The following ATXN7 variants were observed in gnomAD, a reference collection of about 807,000 sequenced individuals.
ATXN7 encodes ataxin-7.
Under a neutral mutation model 70.5 loss-of-function variants are expected in ATXN7, and 12 were observed. The ratio of observed to expected loss-of-function variants is 0.17; its 90% confidence interval spans 0.11 to 0.28. The LOEUF is 0.28. Among genes scored for constraint, ATXN7 ranks in the 10% least tolerant of loss-of-function variants. The pLI is 1.00. For missense variants in ATXN7, 1,256 were observed against 1,131.7 expected (o/e 1.11, Z -1.58); for synonymous variants, 498 against 448.7 (o/e 1.11, Z -1.39).
intron 4 of ATXN7, among the ~76,000 whole-genome samples, chr3:63,915,314 C>T (rs931198766): frequency 6.6e-6 from 1 of 152,146 alleles, no homozygotes; most frequent in Non-Finnish European, 1.5e-5. Context: ...AGCTACCAGG[C>T]CACTTGGAAC....
At chr3:63,926,038 C>A (rs1704702737) in intron 4 of ATXN7, among the ~76,000 whole-genome samples, 1 of 152,142 alleles carries the variant, frequency 6.6e-6, no homozygotes, top group Non-Finnish European at 1.5e-5. Context: ...CCCCAAGTTT[C>A]TAGGTAATGA....
At chr3:63,965,463 C>G (rs576411517) in intron 5 of ATXN7, among the ~76,000 whole-genome samples, 1 of 152,130 alleles carries the variant, frequency 6.6e-6, no homozygotes. Context: ...TTCAGAACTC[C>G]CTTTGTGCAC....
chr3:63,917,387 T>C (rs1704323868), intron 4 of ATXN7, among the ~76,000 whole-genome samples: 2 of 152,256 alleles, frequency 1.3e-5, no homozygotes, highest in Non-Finnish European at 2.9e-5. Context: ...TATGTTTAGA[T>C]TGAATTAATT....
At chr3:63,967,206 CAGTG>C (rs1478557185) in intron 5 of ATXN7, among the ~76,000 whole-genome samples, 3 of 152,100 alleles carry the variant, frequency 2.0e-5, no homozygotes, top group Non-Finnish European at 2.9e-5. Context: ...AGGGGGCACT[CAGTG>C]AGAGAAATTC....
intron 4 of ATXN7, among the ~76,000 whole-genome samples, chr3:63,945,416 GA>G (rs1470771232): frequency 6.6e-6 from 1 of 152,314 alleles, no homozygotes; most frequent in African/African-American, 2.4e-5. Flanking sequence ...AGTTTTACTA[GA>G]AACTGCCTCT....
At position 63,912,667 on chromosome 3, in the gene ATXN7, A is replaced by AGGGGCC; in HGVS notation, c.70_71insGGGCCG (p.Gly22_Ala23dup). 1.9e-6 allele frequency: 2 copies of AGGGGCC among 1,050,768 alleles called. No homozygotes were observed. The highest frequency in any genetic ancestry group is 8.7e-5 in the South Asian group (2 of 22,942). The allele number at this position is 1,050,768 out of a possible 1,614,324, so 65.1% of individuals were successfully genotyped here. ...GCGCGGCGGCGGCGGCGGGCGGAGC[A>AGGGGCC]GCGGCCGCGGCCGCCCGGCAGCAGC... On this transcript the variant is annotated inframe_insertion, in exon 3 of 13. Transcript: ENST00000674280.
chr3:63,890,441 C>A (rs896090794), intron 1 of ATXN7, among the ~76,000 whole-genome samples: 6 of 152,146 alleles, frequency 3.9e-5, no homozygotes, highest in Non-Finnish European at 8.8e-5. Context: ...AGGACTTAAA[C>A]TGCTTAACCC....
intron 4 of ATXN7, among the ~76,000 whole-genome samples, chr3:63,942,525 A>G (rs2074788201): frequency 6.6e-6 from 1 of 152,150 alleles, no homozygotes; most frequent in Non-Finnish European, 1.5e-5. Context: ...TATTTACCCA[A>G]TACCTTGAAT....
intron 4 of ATXN7, among the ~76,000 whole-genome samples, chr3:63,929,578 CT>C (rs574257680): frequency 4.5e-4 from 69 of 152,198 alleles, no homozygotes; most frequent in Non-Finnish European, 7.1e-4. Flanking sequence ...GCCTGCCTTT[CT>C]TTTGAGAATT....
At chr3:63,990,407 C>T (rs1259667668) in intron 10 of ATXN7, 33 bp downstream of exon 10, 6 of 1,611,282 alleles carry the variant, frequency 3.7e-6, no homozygotes, top group South Asian at 1.1e-5. Context: ...CGTTGACCCT[C>T]CCCACACAGC....
chr3:63,915,785 G>A (rs1229558518), intron 4 of ATXN7, among the ~76,000 whole-genome samples: 1 of 151,632 alleles, frequency 6.6e-6, no homozygotes, highest in African/African-American at 2.4e-5. Context: ...GGGTTCAAGC[G>A]ATTCTCTGGA....
In ATXN7 at chr3:63,995,487, T is replaced by C; in HGVS notation, c.1683-18T>C. ...TGGCTGTGGTCAGTGTCATTCACTGTCCTCTAATTTTTTTCAGGAAAATCC... is the reference window on the plus strand; with the variant it reads ...TGGCTGTGGTCAGTGTCATTCACTGCCCTCTAATTTTTTTCAGGAAAATCC... On this transcript the variant is annotated intron_variant, in intron 11 of 12. Transcript: ENST00000674280. The C allele has an allele frequency of 6.2e-7, 1 of 1,613,150 alleles. No individual in the cohort carries two copies. The highest frequency in any genetic ancestry group is 8.5e-7 in the Non-Finnish European group (1 of 1,179,260).
intron 11 of ATXN7, among the ~76,000 whole-genome samples, chr3:63,994,007 G>C (rs568996573): frequency 1.6e-4 from 24 of 152,298 alleles, no homozygotes; most frequent in South Asian, 2.1e-4. Context: ...TCTATGAGTA[G>C]TGCGGGGAGA....
At chr3:63,902,625 C>G (rs764849112) in intron 2 of ATXN7, among the ~76,000 whole-genome samples, 10 of 152,052 alleles carry the variant, frequency 6.6e-5, no homozygotes, top group Non-Finnish European at 1.0e-4. Flanking sequence ...AAGATATTGA[C>G]TGGCTAAGGA....
At chr3:63,898,947 G>A (rs759733537) in intron 2 of ATXN7, among the ~76,000 whole-genome samples, 14 of 152,158 alleles carry the variant, frequency 9.2e-5, no homozygotes, top group African/African-American at 2.2e-4. Context: ...ACAGGCAAGC[G>A]TTCTTCAGGA....
Position 63,996,032 on chromosome 3 carries a change from A to C in ATXN7, c.2210A>C (p.Asn737Thr), listed in dbSNP as rs753401630. 1 of 1,613,970 alleles carries C rather than the reference A, an allele frequency of 6.2e-7. No homozygotes were observed. The highest frequency in any genetic ancestry group is 2.2e-5 in the East Asian group (1 of 44,862). The change falls in exon 12 of 13, where the codon AAC becomes ACC. Residue 737 changes from asparagine (N) to threonine (T), a missense_variant. Coordinates refer to ENST00000674280, the MANE Select transcript of ATXN7 (RefSeq NM_001377405.1). ...SSHSMESFRK[N>T]CVAHSGPPYP... is the part of the protein sequence containing the mutation. ...CATTCCATGGAGTCTTTTAGGAAAA[A>C]CTGTGTGGCTCACTCTGGGCCTCCC... is the stretch of plus-strand genomic sequence containing the variant.
chr3:63,982,546 T>C, intron 7 of ATXN7, 101 bp downstream of exon 7: 3 of 1,094,724 alleles, frequency 2.7e-6, no homozygotes, highest in Non-Finnish European at 3.9e-6. Flanking sequence ...TTTTTAAAAC[T>C]GGTCAACTTC....
intron 4 of ATXN7, among the ~76,000 whole-genome samples, chr3:63,916,732 A>G (rs1444885470): frequency 1.3e-5 from 2 of 152,242 alleles, no homozygotes; most frequent in Non-Finnish European, 2.9e-5. Flanking sequence ...CTCTTCTGCC[A>G]TTTGGCACAA....
chr3:63,908,473 G>A (rs1297086402), intron 2 of ATXN7, among the ~76,000 whole-genome samples: 2 of 152,200 alleles, frequency 1.3e-5, no homozygotes, highest in African/African-American at 4.8e-5. Flanking sequence ...TAATTTAGTG[G>A]ATCTGAGTTT....
Sources: allele counts gnomAD v4.1 joint callset (sites outside exome capture counted in the v4.1 genomes callset), GRCh38; gene constraint gnomAD v4.1.1; transcripts MANE v1.5; gene names NCBI Gene and HGNC (gene_info 2026-07-23, HGNC 2026-07-21).